DKK3: variants seen among roughly 807,000 people sequenced by gnomAD.
DKK3 encodes dickkopf Wnt signaling pathway inhibitor 3.
A neutral mutation model predicts 33.2 loss-of-function variants in DKK3; 22 were observed. The ratio of observed to expected loss-of-function variants is 0.66; its 90% CI spans 0.47 to 0.95. The LOEUF (loss-of-function observed/expected upper bound fraction) is 0.95. DKK3 is among the 40% of genes least tolerant of loss of function. The probability of loss-of-function intolerance (pLI) is 0.00; values close to 1 mark genes in which losing one functional copy is unlikely to be tolerated. For missense variants in DKK3, 398 were observed against 458.4 expected, an observed-to-expected ratio of 0.87 and a Z score of 1.20; for synonymous variants, 194 against 188.8, an observed-to-expected ratio of 1.03 and a Z score of -0.23.
chr11:11,974,244 A>G (rs559465249), intron 3 of DKK3, among the ~76,000 whole-genome samples: 1 of 152,406 alleles, frequency 6.6e-6, no homozygotes, highest in South Asian at 2.1e-4. Flanking sequence ...AGTGAAGTTT[A>G]GAAAGCGCCA....
intron 3 of DKK3, among the ~76,000 whole-genome samples, chr11:11,988,808 G>A (rs916213756): frequency 2.0e-5 from 3 of 152,228 alleles, no homozygotes; most frequent in African/African-American, 7.2e-5. Flanking sequence ...CATACGCCCA[G>A]GCCTAGGGAA....
At chr11:11,966,083 G>A (rs989688612) in intron 5 of DKK3, 118 bp from the exon 6 acceptor site, 52 of 1,272,202 alleles carry the variant, frequency 4.1e-5, no homozygotes, top group Non-Finnish European at 5.3e-5. Context: ...CAAAGTGCAG[G>A]CTAGTTTTGA....
intron 3 of DKK3, among the ~76,000 whole-genome samples, chr11:11,994,059 C>T (rs10444246): frequency 1.3e-5 from 2 of 152,028 alleles, no homozygotes; most frequent in African/African-American, 4.8e-5. Context: ...GAGCACATCA[C>T]TCAGAGAGCG....
At chr11:12,004,804 T>C (rs567501669) in intron 1 of DKK3, among the ~76,000 whole-genome samples, 2 of 152,368 alleles carry the variant, frequency 1.3e-5, no homozygotes, top group Admixed American at 1.3e-4. Context: ...CCCGTTGCCC[T>C]TTAAGAAGGC....
chr11:11,967,747 G>A (rs540126637), intron 4 of DKK3, among the ~76,000 whole-genome samples: 4 of 152,348 alleles, frequency 2.6e-5, no homozygotes, highest in African/African-American at 7.2e-5. Flanking sequence ...ATGTGGCTTC[G>A]TCCAAAATGC....
At chr11:11,967,783 C>T (rs756993695) in intron 4 of DKK3, among the ~76,000 whole-genome samples, 29 of 152,222 alleles carry the variant, frequency 1.9e-4, no homozygotes, top group Non-Finnish European at 3.2e-4. Context: ...TCTCCTTTGC[C>T]CTGGCTCCAC....
chr11:11,997,718 C>T (rs1175288591), intron 3 of DKK3, among the ~76,000 whole-genome samples: 1 of 152,124 alleles, frequency 6.6e-6, no homozygotes, highest in Admixed American at 6.5e-5. Context: ...GCCAACTGGA[C>T]CCCCAGCCTG....
chr11:11,981,387 A>C (rs973619103), intron 3 of DKK3, among the ~76,000 whole-genome samples: 1 of 152,218 alleles, frequency 6.6e-6, no homozygotes, highest in African/African-American at 2.4e-5. Flanking sequence ...CAGAGGTCTC[A>C]GGCATTACGG....
At chr11:11,971,411 T>C (rs1480856093) in intron 3 of DKK3, among the ~76,000 whole-genome samples, 1 of 152,226 alleles carries the variant, frequency 6.6e-6, no homozygotes. Flanking sequence ...AGCAGAATAA[T>C]ACCACACTCA....
At chr11:12,006,692 T>G (rs532540839) in intron 1 of DKK3, among the ~76,000 whole-genome samples, 1 of 152,218 alleles carries the variant, frequency 6.6e-6, no homozygotes, top group Non-Finnish European at 1.5e-5. Context: ...CACTAGGTCC[T>G]GCAGGGCCCC....
chr11:12,004,332 C>T (rs1485027441), intron 1 of DKK3, among the ~76,000 whole-genome samples: 1 of 152,138 alleles, frequency 6.6e-6, no homozygotes, highest in Non-Finnish European at 1.5e-5. Context: ...CAGCAAGTTC[C>T]AGAAGGCTAG....
rs1192733999 is a variant in DKK3, at chr11:11,973,618, G to A, written c.436-5131C>T. Among the ~76,000 whole-genome samples the A allele has an allele frequency of 2.0e-5, 3 of 152,210 alleles. No individual in the cohort carries two copies. The East Asian group carries it at 5.8e-4, about 29-fold the overall frequency. ...GGGGAATGCAGTCATTCAGAGGATGGCTTCTTTGTTGTCCCGAGGAGGGAA... is the reference window on the plus strand; with the variant it reads ...GGGGAATGCAGTCATTCAGAGGATGACTTCTTTGTTGTCCCGAGGAGGGAA... On this transcript the variant is annotated intron_variant, in intron 3 of 6. Transcript: ENST00000683431.
At position 11,969,043 on chromosome 11, in the gene DKK3, T is replaced by C. The variant is rs116437664; in HGVS notation, c.436-556A>G. The stretch of plus-strand genomic sequence containing the variant: ...AGGCAGCTGCCAGCTTGGAAATGAA[T>C]TAGAGGAGGGTGGCTGGACTCCAGC... On this transcript the variant is annotated intron_variant, in intron 3 of 6. Transcript: ENST00000683431. Among the ~76,000 whole-genome samples the C allele has an allele frequency of 8.2e-3, 1,240 of 152,010 alleles. 14 individuals carry two copies. Among genetic ancestry groups the C allele is most frequent in the African/African-American group, 0.026 (1,074 of 41,482 alleles).
intron 2 of DKK3, 59 bp downstream of exon 2, chr11:12,002,241 C>T: frequency 2.0e-6 from 3 of 1,512,626 alleles, no homozygotes; most frequent in East Asian, 2.3e-5. Context: ...ACAAAAAAAC[C>T]TTAGTTCTCT....
rs77706895 is a variant in DKK3, at chr11:11,983,681, T to C, written c.435+15015A>G. ...CACCGAAGATCAGCCTTGGCTGCAGTTGTGGGCAGCAGGAGTCAGTGCAGG... is the reference window on the plus strand; with the variant it reads ...CACCGAAGATCAGCCTTGGCTGCAGCTGTGGGCAGCAGGAGTCAGTGCAGG... On this transcript the variant is annotated intron_variant, in intron 3 of 6. Coordinates refer to ENST00000683431, the MANE Select transcript of DKK3 (RefSeq NM_001018057.2). Among the ~76,000 whole-genome samples the C allele has an allele frequency of 4.3e-3, 652 of 152,250 alleles. 4 individuals carry two copies. The highest frequency in any genetic ancestry group is 0.015 in the African/African-American group (619 of 41,548).
chr11:11,967,261 G>T (rs1268411821), intron 4 of DKK3, among the ~76,000 whole-genome samples, 163 bp from the exon 5 acceptor site: 2 of 152,230 alleles, frequency 1.3e-5, no homozygotes, highest in African/African-American at 2.4e-5. Context: ...ACAGAGGTGG[G>T]AGCTTGGCTG....
At chr11:12,002,034 TC>T (rs1848439255) in intron 2 of DKK3, 1 of 336,410 alleles carries the variant, frequency 3.0e-6, no homozygotes. Flanking sequence ...CAAATGATAA[TC>T]CCTGGACATT....
intron 3 of DKK3, among the ~76,000 whole-genome samples, chr11:11,972,799 C>T (rs1479237782): frequency 2.0e-5 from 3 of 152,190 alleles, no homozygotes; most frequent in East Asian, 1.9e-4. Flanking sequence ...TTAAAGGGGC[C>T]TCAGCACCCA....
chr11:11,998,723 C>A lies in DKK3; in HGVS notation c.408G>T (p.Val136=), dbSNP rs61757611. 2,927 of 1,614,174 alleles carry A rather than the reference C, an allele frequency of 1.8e-3. 3 individuals are homozygous for A. Among genetic ancestry groups the A allele is most frequent in the Non-Finnish European group, 2.2e-3 (2,544 of 1,180,024 alleles). ...GGCTCCTTCTGCCTTCTTCGTCTCCCACAGATGTGATAACTGTCTCTGAAA... is the reference window on the plus strand; with the variant it reads ...GGCTCCTTCTGCCTTCTTCGTCTCCAACAGATGTGATAACTGTCTCTGAAA... ...MVFSETVITS[V]GDEEGRRSHE... The change falls in exon 3 of 7, where the codon GTG becomes GTT. Residue 136 remains valine (V), a synonymous_variant. Coordinates refer to ENST00000683431, the MANE Select transcript of DKK3 (RefSeq NM_001018057.2).
Sources: gnomAD v4.1 joint callset for allele counts (sites outside exome capture counted in the v4.1 genomes callset) on GRCh38, gnomAD v4.1.1 for gene constraint, MANE v1.5 for transcripts, NCBI Gene and HGNC (gene_info 2026-07-23, HGNC 2026-07-21) for gene names.